SAMMSON: variants seen among roughly 807,000 people sequenced by gnomAD.
SAMMSON encodes survival associated mitochondrial melanoma specific oncogenic non-coding RNA.
At chr3:70,371,813 G>C (rs957685711) in intron 9 of SAMMSON, among the ~76,000 whole-genome samples, 7 of 152,042 alleles carry the variant, frequency 4.6e-5, no homozygotes, top group African/African-American at 1.4e-4. Context: ...TTCCAGATTG[G>C]TTGCCTTTTA....
intron 4 of SAMMSON, among the ~76,000 whole-genome samples, chr3:70,147,844 G>T (rs1316823431): frequency 2.0e-5 from 3 of 151,946 alleles, no homozygotes; most frequent in Non-Finnish European, 4.4e-5. Flanking sequence ...AAAACACATT[G>T]TTAAGAAAAT....
chr3:70,263,219 CTTCT>C (rs938317750), intron 6 of SAMMSON, among the ~76,000 whole-genome samples: 11 of 152,022 alleles, frequency 7.2e-5, no homozygotes, highest in Non-Finnish European at 1.6e-4. Flanking sequence ...TTTCCTGCTT[CTTCT>C]TTCTTCAGTA....
intron 4 of SAMMSON, among the ~76,000 whole-genome samples, chr3:70,235,739 A>T (rs1484970558): frequency 6.6e-6 from 1 of 152,236 alleles, no homozygotes; most frequent in East Asian, 1.9e-4. Context: ...GGCCATTGAT[A>T]ATTTATTGCT....
chr3:70,020,393 A>G (rs74425481), intron 3 of SAMMSON, among the ~76,000 whole-genome samples: 126 of 152,308 alleles, frequency 8.3e-4, no homozygotes, highest in African/African-American at 2.5e-3. Flanking sequence ...GACCAAAGGA[A>G]CTGAAATTAT....
chr3:70,412,099 A>G (rs991085526), intron 2 of SAMMSON, among the ~76,000 whole-genome samples: 1 of 152,156 alleles, frequency 6.6e-6, no homozygotes, highest in Non-Finnish European at 1.5e-5. Flanking sequence ...TAATGAGGGG[A>G]AGCTTTTAAA....
At chr3:70,110,298 G>T (rs11714505) in intron 4 of SAMMSON, among the ~76,000 whole-genome samples, 36 of 152,158 alleles carry the variant, frequency 2.4e-4, no homozygotes, top group Non-Finnish European at 4.7e-4. Context: ...AATGCTGATT[G>T]TCCTAGAGCT....
At chr3:70,231,851 A>G (rs893318936) in intron 4 of SAMMSON, among the ~76,000 whole-genome samples, 13 of 152,134 alleles carry the variant, frequency 8.5e-5, no homozygotes, top group African/African-American at 2.2e-4. Flanking sequence ...GGAAGCTACT[A>G]AACAGGCCTG....
intron 4 of SAMMSON, among the ~76,000 whole-genome samples, chr3:70,111,218 G>T (rs2067387383): frequency 6.6e-6 from 1 of 152,126 alleles, no homozygotes; most frequent in Non-Finnish European, 1.5e-5. Flanking sequence ...GGTGCTTTCT[G>T]ACCCTGCATA....
chr3:70,349,326 A>T (rs1003159624), intron 7 of SAMMSON, among the ~76,000 whole-genome samples: 8 of 152,116 alleles, frequency 5.3e-5, no homozygotes, highest in Non-Finnish European at 1.2e-4. Flanking sequence ...GTGAGCCGAA[A>T]TCATGCCACT....
chr3:70,389,436 A>C (rs1301571403), intron 9 of SAMMSON: 1 of 152,116 alleles, frequency 6.6e-6, no homozygotes, highest in South Asian at 2.1e-4. Flanking sequence ...TTCTCTCTAA[A>C]TGGGACATAG....
At chr3:70,325,623 T>C (rs2106719714) in intron 7 of SAMMSON, among the ~76,000 whole-genome samples, 1 of 152,306 alleles carries the variant, frequency 6.6e-6, no homozygotes, top group Non-Finnish European at 1.5e-5. Flanking sequence ...CATTTCAAAT[T>C]CTACTATTAC....
At chr3:70,345,759 C>CT (rs1381719558) in intron 7 of SAMMSON, among the ~76,000 whole-genome samples, 3 of 93,356 alleles carry the variant, frequency 3.2e-5, no homozygotes, top group African/African-American at 1.1e-4. Flanking sequence ...CCTTTTCAGA[C>CT]TGTTTTTTTT....
chr3:70,026,317 C>T (rs1159838111), intron 3 of SAMMSON, among the ~76,000 whole-genome samples: 1 of 152,104 alleles, frequency 6.6e-6, no homozygotes, highest in Non-Finnish European at 1.5e-5. Context: ...GAATATAAGA[C>T]AGTTTGAAGG....
At chr3:70,055,010 G>A (rs564014523) in intron 3 of SAMMSON, among the ~76,000 whole-genome samples, 1 of 152,142 alleles carries the variant, frequency 6.6e-6, no homozygotes, top group African/African-American at 2.4e-5. Flanking sequence ...TGATGTCAAG[G>A]AATTATTATT....
chr3:70,336,052 TAA>T (rs1259671387), intron 7 of SAMMSON, among the ~76,000 whole-genome samples: 1 of 152,004 alleles, frequency 6.6e-6, no homozygotes, highest in Non-Finnish European at 1.5e-5. Flanking sequence ...CCTCATATTC[TAA>T]ATGAATAGAC....
intron 3 of SAMMSON, among the ~76,000 whole-genome samples, chr3:70,026,861 G>A (rs1277796148): frequency 1.3e-5 from 2 of 152,054 alleles, no homozygotes; most frequent in African/African-American, 2.4e-5. Context: ...TTTTCTCTTA[G>A]CATAATGAAT....
At chr3:70,123,587 A>G (rs555634731) in intron 4 of SAMMSON, among the ~76,000 whole-genome samples, 124 of 152,302 alleles carry the variant, frequency 8.1e-4, no homozygotes, top group Non-Finnish European at 1.6e-3. Flanking sequence ...CTAGTTTTAA[A>G]GCACACTCCC....
At chr3:70,063,040 T>C (rs539988908) in intron 3 of SAMMSON, among the ~76,000 whole-genome samples, 140 of 152,184 alleles carry the variant, frequency 9.2e-4, no homozygotes, top group Non-Finnish European at 9.6e-4. Flanking sequence ...GGGAAGTTCT[T>C]TGTCTCCTGC....
intron 9 of SAMMSON, among the ~76,000 whole-genome samples, chr3:70,365,250 A>G (rs759045930): frequency 5.3e-5 from 8 of 151,610 alleles, no homozygotes; most frequent in Non-Finnish European, 1.2e-4. Flanking sequence ...TTTTATTGGC[A>G]AATGGTATTA....
Sources: gnomAD v4.1 joint callset for allele counts (sites outside exome capture counted in the v4.1 genomes callset) on GRCh38, gnomAD v4.1.1 for gene constraint, MANE v1.5 for transcripts, NCBI Gene and HGNC (gene_info 2026-07-23, HGNC 2026-07-21) for gene names.